Variants in CNTN4 observed in about 807,000 individuals in gnomAD.
CNTN4 encodes contactin-4.
In CNTN4, 77 loss-of-function variants were observed where a neutral mutation model predicts 122.5. That is an observed-to-expected ratio of 0.63 (90% CI 0.52 to 0.76). CNTN4 has a LOEUF of 0.76. Ranked by LOEUF, CNTN4 falls within the 30% of genes least tolerant of loss-of-function variation. The probability of loss-of-function intolerance (pLI) is 0.00; values close to 1 mark genes in which losing one functional copy is unlikely to be tolerated. For synonymous variants in CNTN4, 512 were observed against 447.0 expected (o/e 1.15, Z -1.83); for missense variants, 1,256 against 1,259.1 (o/e 1.00, Z 0.04).
intron 10 of CNTN4, among the ~76,000 whole-genome samples, chr3:2,898,132 A>G (rs1158929550): frequency 6.6e-6 from 1 of 152,190 alleles, no homozygotes; most frequent in Non-Finnish European, 1.5e-5. Flanking sequence ...AGCAGGAGTG[A>G]AAACGTTTAC....
At chr3:2,377,852 G>T (rs946338930) in intron 3 of CNTN4, among the ~76,000 whole-genome samples, 1 of 151,922 alleles carries the variant, frequency 6.6e-6, no homozygotes, top group Admixed American at 6.6e-5. Context: ...TCTTCGTCCA[G>T]TGCGACCCAG....
intron 4 of CNTN4, among the ~76,000 whole-genome samples, chr3:2,640,542 G>T (rs1403314645): frequency 6.6e-6 from 1 of 152,198 alleles, no homozygotes; most frequent in Non-Finnish European, 1.5e-5. Flanking sequence ...TTAAGAAAAG[G>T]ATGATTGGGT....
intron 3 of CNTN4, among the ~76,000 whole-genome samples, chr3:2,486,732 A>G (rs2076173841): frequency 6.6e-6 from 1 of 152,262 alleles, no homozygotes; most frequent in African/African-American, 2.4e-5. Context: ...TTTCTGAATA[A>G]CATTTATTTG....
intron 2 of CNTN4, among the ~76,000 whole-genome samples, chr3:2,184,467 T>C (rs978352860): frequency 2.6e-5 from 4 of 152,144 alleles, no homozygotes; most frequent in African/African-American, 9.7e-5. Context: ...TTGGGAAGTA[T>C]GGAAGGAGGA....
chr3:2,346,381 AATT>A lies in CNTN4; in HGVS notation c.-89+7157_-89+7159del, dbSNP rs768833546. 2.0e-5 allele frequency among the ~76,000 whole-genome samples: 3 copies of A among 152,144 alleles called. No individual in the cohort carries two copies. In the East Asian group the frequency reaches 5.8e-4, roughly 29 times the overall value. On this transcript the variant is annotated intron_variant, in intron 3 of 24. Transcript: ENST00000418658. ...AGCTCAACTTTTTCTTCCTCTTAGT[AATT>A]ATTATTATATTTAATACATTCAGGT...
chr3:3,014,506 G>A (rs1466927702), intron 14 of CNTN4, among the ~76,000 whole-genome samples: 3 of 151,552 alleles, frequency 2.0e-5, no homozygotes, highest in African/African-American at 7.2e-5. Context: ...AAACCAAAAG[G>A]TGGAATGGTG....
intron 2 of CNTN4, among the ~76,000 whole-genome samples, chr3:2,125,328 C>CTGTG (rs1350582197): frequency 4.3e-5 from 3 of 69,866 alleles, no homozygotes; most frequent in South Asian, 5.4e-4. Flanking sequence ...ACATTCTATT[C>CTGTG]TCTGTGTGTG....
At chr3:2,886,498 A>G (rs1329848689) in intron 9 of CNTN4, among the ~76,000 whole-genome samples, 1 of 149,912 alleles carries the variant, frequency 6.7e-6, no homozygotes, top group Admixed American at 6.7e-5. Context: ...ATGATATTGT[A>G]TAGGAGATAG....
At chr3:2,619,728 G>T (rs546361323) in intron 4 of CNTN4, among the ~76,000 whole-genome samples, 1 of 152,246 alleles carries the variant, frequency 6.6e-6, no homozygotes, top group South Asian at 2.1e-4. Flanking sequence ...GAACATGAGG[G>T]AACAAGCACT....
At chr3:2,814,357 C>G (rs1052855531) in intron 6 of CNTN4, among the ~76,000 whole-genome samples, 3 of 152,180 alleles carry the variant, frequency 2.0e-5, no homozygotes, top group African/African-American at 7.2e-5. Context: ...AATTGCTAAA[C>G]GGAATACAAG....
chr3:2,184,801 G>T (rs1425171355), intron 2 of CNTN4, among the ~76,000 whole-genome samples: 2 of 152,072 alleles, frequency 1.3e-5, no homozygotes, highest in Non-Finnish European at 2.9e-5. Flanking sequence ...CTTGGTCTTG[G>T]ACTTCCCAGC....
intron 13 of CNTN4, among the ~76,000 whole-genome samples, chr3:2,947,196 G>A (rs573089264): frequency 2.6e-4 from 39 of 152,158 alleles, no homozygotes; most frequent in South Asian, 6.2e-4. Flanking sequence ...TATTTTTTGC[G>A]TCTGTTTCTC....
chr3:2,502,089 A>C (rs143670569), intron 3 of CNTN4, among the ~76,000 whole-genome samples: 113 of 152,238 alleles, frequency 7.4e-4, no homozygotes, highest in African/African-American at 2.5e-3. Flanking sequence ...AAAATCCAAA[A>C]ATTTTTGAAA....
At chr3:2,147,886 G>GTCTTT (rs1172386793) in intron 2 of CNTN4, among the ~76,000 whole-genome samples, 1 of 152,150 alleles carries the variant, frequency 6.6e-6, no homozygotes, top group East Asian at 1.9e-4. Context: ...CTACCTAGAA[G>GTCTTT]TCTTTTCTCC....
intron 2 of CNTN4, among the ~76,000 whole-genome samples, chr3:2,231,056 CACACCAAAAAGTAA>C (rs2039467000): frequency 6.6e-6 from 1 of 152,024 alleles, no homozygotes; most frequent in South Asian, 2.1e-4. Flanking sequence ...TTTTGGTATT[CACACCAAAAAGTAA>C]AATGAAACAG....
chr3:2,380,671 AC>A (rs1337795596), intron 3 of CNTN4, among the ~76,000 whole-genome samples: 2 of 151,620 alleles, frequency 1.3e-5, no homozygotes, highest in African/African-American at 4.8e-5. Flanking sequence ...TCCAGATTGG[AC>A]TTGCTGATCA....
chr3:2,844,612 G>C (rs1187095717), intron 7 of CNTN4, among the ~76,000 whole-genome samples: 2 of 152,010 alleles, frequency 1.3e-5, no homozygotes, highest in African/African-American at 2.4e-5. Context: ...TATCTGTATT[G>C]GTCTGCCATC....
At chr3:2,416,875 C>T (rs368891584) in intron 3 of CNTN4, among the ~76,000 whole-genome samples, 2 of 151,942 alleles carry the variant, frequency 1.3e-5, no homozygotes, top group African/African-American at 2.4e-5. Context: ...AGGATGGCCT[C>T]GAGCTCCTGA....
chr3:2,396,688 C>G (rs2150933018), intron 3 of CNTN4, among the ~76,000 whole-genome samples: 1 of 150,146 alleles, frequency 6.7e-6, no homozygotes, highest in East Asian at 2.0e-4. Context: ...TCTCCTAGAA[C>G]TCTTCTGTGC....
Sources: allele counts gnomAD v4.1 joint callset (sites outside exome capture counted in the v4.1 genomes callset), GRCh38; gene constraint gnomAD v4.1.1; transcripts MANE v1.5; gene names NCBI Gene and HGNC (gene_info 2026-07-23, HGNC 2026-07-21).